The following KLHL29 variants were observed in gnomAD, a reference collection of about 807,000 sequenced individuals.
KLHL29 encodes kelch-like protein 29.
KLHL29 carries 21 observed loss-of-function variants against 80.4 expected under a neutral mutation model. That is an observed-to-expected ratio of 0.26 (90% CI 0.19 to 0.38). KLHL29 has a LOEUF of 0.38. Among genes scored for constraint, KLHL29 ranks in the 10% least tolerant of loss-of-function variants. The pLI is 1.00. For synonymous variants in KLHL29, 511 were observed against 526.8 expected (o/e 0.97, Z 0.41); for missense variants, 867 against 1,223.9 (o/e 0.71, Z 4.35).
chr2:23,492,254 T>G (rs898739793), intron 2 of KLHL29, among the ~76,000 whole-genome samples: 10 of 152,230 alleles, frequency 6.6e-5, no homozygotes, highest in African/African-American at 2.4e-4. Flanking sequence ...CTCTCTGGAC[T>G]GGCCCCCTTG....
At position 23,684,357 on chromosome 2, in the gene KLHL29, C is replaced by A. The variant is rs950102147; in HGVS notation, c.941-42C>A. ...TTTTTTAATTAAAAAAAAAAAAACT[C>A]TTAATGGGAACCTGGCCCTGTCTGT... On this transcript the variant is annotated intron_variant, in intron 5 of 13. Coordinates refer to ENST00000486442, the MANE Select transcript of KLHL29 (RefSeq NM_052920.2). The surrounding 1 kb of genome is among the most constrained non-coding windows in gnomAD (Gnocchi z 4.4). The A allele has an allele frequency of 3.0e-6, 4 of 1,316,150 alleles. No individual in the cohort carries two copies. The highest frequency in any genetic ancestry group is 9.8e-7 in the Non-Finnish European group (1 of 1,017,412). 81.5% of individuals were successfully genotyped at this position (1,316,150 alleles called of 1,614,324 possible).
chr2:23,423,563 G>C (rs184599129), intron 1 of KLHL29, among the ~76,000 whole-genome samples: 17 of 152,370 alleles, frequency 1.1e-4, no homozygotes, highest in Non-Finnish European at 1.9e-4. Context: ...AATGGCCTCT[G>C]TGATTTCTGG....
chr2:23,600,262 G>T (rs542839353), intron 3 of KLHL29, among the ~76,000 whole-genome samples: 38 of 152,230 alleles, frequency 2.5e-4, no homozygotes, highest in African/African-American at 8.2e-4. Context: ...GGATGGAAGG[G>T]GACTCAGCAT....
intron 3 of KLHL29, among the ~76,000 whole-genome samples, chr2:23,570,080 T>G (rs1193820656): frequency 3.3e-5 from 5 of 152,220 alleles, no homozygotes; most frequent in Admixed American, 1.3e-4. Context: ...GCATATTAAT[T>G]TTCATTGTGA....
chr2:23,463,135 A>G (rs73921826), intron 1 of KLHL29, among the ~76,000 whole-genome samples: 46 of 148,888 alleles, frequency 3.1e-4, no homozygotes, highest in African/African-American at 1.1e-3. Context: ...TCCTCTGACA[A>G]TTTTTTGGAA....
At chr2:23,631,148 C>T (rs954325161) in intron 3 of KLHL29, among the ~76,000 whole-genome samples, 1 of 151,998 alleles carries the variant, frequency 6.6e-6, no homozygotes, top group Non-Finnish European at 1.5e-5. Context: ...CAGCACATGG[C>T]TGCCCTCACC....
chr2:23,689,285 C>G (rs1671429980), intron 6 of KLHL29: 1 of 152,284 alleles, frequency 6.6e-6, no homozygotes, highest in African/African-American at 2.4e-5. Flanking sequence ...GGCCAGGGGT[C>G]CTCCTCAGTC....
chr2:23,599,978 G>A (rs1244816639), intron 3 of KLHL29, among the ~76,000 whole-genome samples: 2 of 152,162 alleles, frequency 1.3e-5, no homozygotes, highest in African/African-American at 4.8e-5. Context: ...ATTCTGCAGG[G>A]TGTGCATACA....
intron 3 of KLHL29, among the ~76,000 whole-genome samples, chr2:23,597,176 A>G (rs955640367): frequency 3.3e-5 from 5 of 151,460 alleles, no homozygotes; most frequent in Admixed American, 3.3e-4. Flanking sequence ...TAATAGGTAG[A>G]GAGATTGAGG....
At chr2:23,611,259 A>G (rs1443836534) in intron 3 of KLHL29, among the ~76,000 whole-genome samples, 2 of 152,170 alleles carry the variant, frequency 1.3e-5, no homozygotes, top group Non-Finnish European at 2.9e-5. Context: ...TTCCTCTAGG[A>G]GTATTTGGCA....
At chr2:23,590,750 C>G (rs1351645628) in intron 3 of KLHL29, among the ~76,000 whole-genome samples, 4 of 152,166 alleles carry the variant, frequency 2.6e-5, no homozygotes, top group African/African-American at 9.7e-5. Flanking sequence ...GCCCAGGACC[C>G]AAGCAAGGCA....
At chr2:23,705,446 C>T (rs1672656986) in intron 13 of KLHL29, among the ~76,000 whole-genome samples, 1 of 151,612 alleles carries the variant, frequency 6.6e-6, no homozygotes, top group South Asian at 2.1e-4. Context: ...GAGCTGAGAT[C>T]ACACCACTGC....
At position 23,693,427 on chromosome 2, in the gene KLHL29, A is replaced by G. The variant is rs1671748391; in HGVS notation, c.1441A>G (p.Ile481Val). The G allele has an allele frequency of 6.4e-7, 1 of 1,551,610 alleles. No homozygotes were observed. The highest frequency in any genetic ancestry group is 2.4e-5 in the East Asian group (1 of 40,932). ...CCTCAGCATCTCCAAGGACGACTTC[A>G]TCGCCTACGTCTCCAACGACAGCCT... ...EILSISKDDF[I>V]AYVSNDSLNT... Residue 481 changes from isoleucine (I) to valine (V), a missense_variant, in exon 8 of 14, where the codon ATC becomes GTC. Physicochemically the swap from Ile to Val is conservative, Grantham distance 29. Coordinates refer to ENST00000486442, the MANE Select transcript of KLHL29 (RefSeq NM_052920.2).
At chr2:23,617,433 A>C (rs1428575158) in intron 3 of KLHL29, 1 of 152,240 alleles carries the variant, frequency 6.6e-6, no homozygotes, top group Non-Finnish European at 1.5e-5. Flanking sequence ...GATGGGGAAA[A>C]AAGGAAGGAA....
intron 3 of KLHL29, among the ~76,000 whole-genome samples, chr2:23,604,053 G>A (rs1668641772): frequency 6.6e-6 from 1 of 152,240 alleles, no homozygotes; most frequent in African/African-American, 2.4e-5. Context: ...GTCTGGGGCA[G>A]CCCCCGAGGG....
At chr2:23,414,311 T>C (rs1666935334) in intron 1 of KLHL29, among the ~76,000 whole-genome samples, 1 of 142,498 alleles carries the variant, frequency 7.0e-6, no homozygotes, top group South Asian at 2.5e-4. Context: ...ACAGAGTGGG[T>C]GGCACTAGGG....
intron 3 of KLHL29, among the ~76,000 whole-genome samples, chr2:23,629,376 T>C (rs1382672095): frequency 7.9e-5 from 12 of 152,120 alleles, no homozygotes; most frequent in Non-Finnish European, 4.4e-5. Context: ...GATGGGCTTT[T>C]TTTTTTTTCT....
intron 2 of KLHL29, among the ~76,000 whole-genome samples, chr2:23,491,051 T>C (rs1317472687): frequency 6.6e-6 from 1 of 152,170 alleles, no homozygotes; most frequent in East Asian, 1.9e-4. Context: ...TTGCTGCACC[T>C]ATCAACCCAT....
intron 3 of KLHL29, among the ~76,000 whole-genome samples, chr2:23,597,840 C>T (rs1332291041): frequency 6.6e-6 from 1 of 152,146 alleles, no homozygotes. Context: ...GAAGATGCAT[C>T]TTCCTGGTCC....
Sources: allele counts gnomAD v4.1 joint callset (sites outside exome capture counted in the v4.1 genomes callset), GRCh38; gene constraint gnomAD v4.1.1; non-coding constraint Gnocchi (gnomAD v3.1); transcripts MANE v1.5; gene names NCBI Gene and HGNC (gene_info 2026-07-23, HGNC 2026-07-21).